Variants in DRC11 observed in about 807,000 individuals in gnomAD.
DRC11 encodes the protein IQ and AAA domain-containing protein 1.
the DRC11 span, among the ~76,000 whole-genome samples, chr2:236,336,136 T>C: frequency 6.6e-6 from 1 of 152,126 alleles, no homozygotes; most frequent in African/African-American, 2.4e-5. This position sits in a 1 kb window ranked among gnomAD's most constrained non-coding sequence, Gnocchi z 7.3. Flanking sequence ...GCCTAAAGTG[T>C]TCCTGTATTT....
the DRC11 span, among the ~76,000 whole-genome samples, chr2:236,414,522 C>T: frequency 2.0e-5 from 3 of 152,050 alleles, no homozygotes; most frequent in African/African-American, 4.8e-5. Flanking sequence ...GATGGGGTCT[C>T]GCTGTGTTGC....
At chr2:236,465,216 G>A in the DRC11 span, among the ~76,000 whole-genome samples, 1 of 152,194 alleles carries the variant, frequency 6.6e-6, no homozygotes, top group East Asian at 1.9e-4. The surrounding 1 kb of genome is among the most constrained non-coding windows in gnomAD (Gnocchi z 6.2). Flanking sequence ...GGTTATTTCT[G>A]GGTCCCCTGA....
chr2:236,422,043 G>T, the DRC11 span, among the ~76,000 whole-genome samples: 1,845 of 152,216 alleles, frequency 0.012, 34 homozygotes, highest in African/African-American at 0.043. Context: ...ATTAGGTATC[G>T]ATGGGACGTA....
At chr2:236,391,924 C>T in the DRC11 span, 1 of 1,514,402 alleles carries the variant, frequency 6.6e-7, no homozygotes, top group Non-Finnish European at 9.2e-7. The surrounding 1 kb of genome is among the most constrained non-coding windows in gnomAD (Gnocchi z 4.5). Flanking sequence ...GGCTGCTTTT[C>T]ATGACTGAAT....
the DRC11 span, among the ~76,000 whole-genome samples, chr2:236,382,398 CTTCT>C: frequency 6.6e-6 from 1 of 152,116 alleles, no homozygotes; most frequent in Non-Finnish European, 1.5e-5. Context: ...TCACTTTATT[CTTCT>C]TTTTCAAAAT....
chr2:236,355,167 C>T, the DRC11 span, among the ~76,000 whole-genome samples: 5 of 152,196 alleles, frequency 3.3e-5, no homozygotes, highest in African/African-American at 4.8e-5. Flanking sequence ...GCAGAGGCCT[C>T]GTTGGCCGTA....
the DRC11 span, among the ~76,000 whole-genome samples, chr2:236,487,128 C>A: frequency 6.6e-6 from 1 of 152,122 alleles, no homozygotes; most frequent in South Asian, 2.1e-4. Context: ...AGTGAGATTC[C>A]TTTACCTTGG....
the DRC11 span, among the ~76,000 whole-genome samples, chr2:236,361,996 G>C: frequency 6.6e-6 from 1 of 152,116 alleles, no homozygotes; most frequent in South Asian, 2.1e-4. This position sits in a 1 kb window ranked among gnomAD's most constrained non-coding sequence, Gnocchi z 5.7. Flanking sequence ...TCAAGACATG[G>C]AGTATTTCCA....
the DRC11 span, among the ~76,000 whole-genome samples, chr2:236,387,567 A>C: frequency 6.6e-6 from 1 of 152,024 alleles, no homozygotes; most frequent in Non-Finnish European, 1.5e-5. Context: ...TCTGCATGTG[A>C]GATGGGTTTC....
chr2:236,331,686 C>A, the DRC11 span: 7 of 953,648 alleles, frequency 7.3e-6, no homozygotes, highest in Non-Finnish European at 1.1e-5. The surrounding 1 kb of genome is among the most constrained non-coding windows in gnomAD (Gnocchi z 4.8). Context: ...TGCATCTCAT[C>A]AAGAAAGGAA....
At chr2:236,318,527 AT>A in the DRC11 span, among the ~76,000 whole-genome samples, 1 of 151,674 alleles carries the variant, frequency 6.6e-6, no homozygotes, top group African/African-American at 2.4e-5. This position sits in a 1 kb window ranked among gnomAD's most constrained non-coding sequence, Gnocchi z 7.0. Context: ...TTGGGCCTGT[AT>A]ATGTATATAT....
chr2:236,466,507 T>C, the DRC11 span, among the ~76,000 whole-genome samples: 1 of 152,234 alleles, frequency 6.6e-6, no homozygotes, highest in South Asian at 2.1e-4. Context: ...CTCACAGTTC[T>C]GCAGGCTGTA....
At chr2:236,478,732 T>C in the DRC11 span, among the ~76,000 whole-genome samples, 1 of 152,140 alleles carries the variant, frequency 6.6e-6, no homozygotes, top group African/African-American at 2.4e-5. The surrounding 1 kb of genome is among the most constrained non-coding windows in gnomAD (Gnocchi z 5.9). Flanking sequence ...GTTTCAGATA[T>C]ATTTATAATT....
chr2:236,371,140 G>T, the DRC11 span, among the ~76,000 whole-genome samples: 8 of 152,068 alleles, frequency 5.3e-5, no homozygotes, highest in East Asian at 1.4e-3. The surrounding 1 kb of genome is among the most constrained non-coding windows in gnomAD (Gnocchi z 5.1). Flanking sequence ...CTCCTGCCCT[G>T]CCTGGATGAA....
chr2:236,309,583 A>G, the DRC11 span, among the ~76,000 whole-genome samples: 1 of 152,210 alleles, frequency 6.6e-6, no homozygotes, highest in Admixed American at 6.5e-5. This position sits in a 1 kb window ranked among gnomAD's most constrained non-coding sequence, Gnocchi z 5.7. Flanking sequence ...GAAATGGCGA[A>G]TAGCTTATTT....
At chr2:236,447,853 G>C in the DRC11 span, among the ~76,000 whole-genome samples, 1 of 151,204 alleles carries the variant, frequency 6.6e-6, no homozygotes, top group African/African-American at 2.4e-5. The surrounding 1 kb of genome is among the most constrained non-coding windows in gnomAD (Gnocchi z 4.6). Flanking sequence ...TGCCTGTTGC[G>C]GCAATCTGAG....
the DRC11 span, among the ~76,000 whole-genome samples, chr2:236,349,932 G>A: frequency 7.2e-5 from 11 of 152,174 alleles, no homozygotes; most frequent in Non-Finnish European, 1.3e-4. The surrounding 1 kb of genome is among the most constrained non-coding windows in gnomAD (Gnocchi z 5.5). Flanking sequence ...GACTGCACTC[G>A]TGGCTGCTGT....
At chr2:236,321,423 G>GTGT in the DRC11 span, among the ~76,000 whole-genome samples, 1 of 152,222 alleles carries the variant, frequency 6.6e-6, no homozygotes, top group Non-Finnish European at 1.5e-5. Context: ...TTCTAATGGC[G>GTGT]TGTTACCATT....
chr2:236,500,291 T>G, the DRC11 span, among the ~76,000 whole-genome samples: 1 of 152,180 alleles, frequency 6.6e-6, no homozygotes, highest in East Asian at 1.9e-4. The surrounding 1 kb of genome is among the most constrained non-coding windows in gnomAD (Gnocchi z 6.3). Context: ...TCACAGAGTT[T>G]GAATGCAGGA....
Sources: gnomAD v4.1 joint callset for allele counts (sites outside exome capture counted in the v4.1 genomes callset) on GRCh38, gnomAD v4.1.1 for gene constraint, Gnocchi (gnomAD v3.1) non-coding constraint, MANE v1.5 for transcripts, NCBI Gene and HGNC (gene_info 2026-07-23, HGNC 2026-07-21) for gene names.